Variants in CCM2 observed in about 807,000 individuals in gnomAD.
CCM2 encodes the protein CCM2 scaffold protein, also known as cerebral cavernous malformations 2 protein.
A neutral mutation model predicts 44.9 loss-of-function variants in CCM2; 25 were observed. The observed-to-expected ratio is 0.56, with a 90% CI of 0.41 to 0.78. The LOEUF (loss-of-function observed/expected upper bound fraction) is 0.78. Among genes scored for constraint, CCM2 ranks in the 30% least tolerant of loss-of-function variants. The pLI, the probability that CCM2 is intolerant of heterozygous loss-of-function variation, is 0.00. For missense variants in CCM2, 481 were observed against 580.6 expected (o/e 0.83, Z 1.76); for synonymous variants, 219 against 241.1 (o/e 0.91, Z 0.85).
intron 1 of CCM2, among the ~76,000 whole-genome samples, chr7:45,002,358 C>T (rs923554268): frequency 1.3e-5 from 2 of 152,164 alleles, no homozygotes; most frequent in African/African-American, 4.8e-5. Flanking sequence ...CACTTTAGCT[C>T]AGGAGTTCGA....
intron 2 of CCM2, among the ~76,000 whole-genome samples, chr7:45,038,824 T>C (rs76408295): frequency 1.4e-3 from 218 of 152,338 alleles, no homozygotes; most frequent in African/African-American, 4.9e-3. Flanking sequence ...ATTCAGACCA[T>C]GTGTTTGAGG....
In CCM2 at chr7:45,023,955, C is replaced by T. The variant is rs528869524; in HGVS notation, c.31-14298C>T. ...TCTCCGTAGTAGCTGGGGTTACAGA[C>T]ATGTGCCACCACGCCCTGCTAATTT... On this transcript the variant is annotated intron_variant, in intron 1 of 9. Coordinates refer to ENST00000258781, the MANE Select transcript of CCM2 (RefSeq NM_031443.4). 3.5e-3 allele frequency among the ~76,000 whole-genome samples: 537 copies of T among 152,032 alleles called. 4 individuals carry two copies. Among genetic ancestry groups the T allele is most frequent in the African/African-American group, 0.012 (508 of 41,460 alleles).
At chr7:45,013,773 ATGAT>A (rs1440112577) in intron 1 of CCM2, among the ~76,000 whole-genome samples, 1 of 152,112 alleles carries the variant, frequency 6.6e-6, no homozygotes, top group Non-Finnish European at 1.5e-5. Flanking sequence ...CTTGTCTCTG[ATGAT>A]TGATATTTTT....
chr7:45,033,044 C>CAA (rs60956411), intron 1 of CCM2, among the ~76,000 whole-genome samples: 6,660 of 57,996 alleles, frequency 0.11, 1,793 homozygotes, highest in African/African-American at 0.3. Flanking sequence ...AACTCCGTCT[C>CAA]AAAAAAAAAA....
rs34116061 is a variant in CCM2, at chr7:45,014,622, C to CTT, written c.30+14275_30+14276dup. Among the ~76,000 whole-genome samples the CTT allele has an allele frequency of 4.3e-3, 534 of 123,968 alleles. 3 individuals carry two copies. The highest frequency in any genetic ancestry group is 7.4e-3 in the African/African-American group (248 of 33,572). 81.3% of individuals were successfully genotyped at this position (123,968 alleles called of 152,430 possible). A position where few individuals can be genotyped will look rare whatever the true frequency, so the allele number is the denominator to read the frequency against. On this transcript the variant is annotated intron_variant, in intron 1 of 9. Coordinates refer to ENST00000258781, the MANE Select transcript of CCM2 (RefSeq NM_031443.4). ...GCTACAACTCCTGGCCAGTCTTAAC[C>CTT]TTTTTTTTTTTTTTTTTGAGATGGA... is the stretch of plus-strand genomic sequence containing the variant.
At chr7:45,049,497 A>G (rs1465478097) in intron 2 of CCM2, among the ~76,000 whole-genome samples, 2 of 152,150 alleles carry the variant, frequency 1.3e-5, no homozygotes, top group Non-Finnish European at 2.9e-5. Context: ...GTGTATCTTG[A>G]TTTATCGCCG....
At chr7:45,039,151 C>G (rs1453102053) in intron 2 of CCM2, among the ~76,000 whole-genome samples, 1 of 152,198 alleles carries the variant, frequency 6.6e-6, no homozygotes, top group Non-Finnish European at 1.5e-5. Context: ...TTTCCACTCT[C>G]ACCTGGCTCA....
At chr7:45,043,871 A>G (rs1797630100) in intron 2 of CCM2, among the ~76,000 whole-genome samples, 1 of 152,100 alleles carries the variant, frequency 6.6e-6, no homozygotes, top group Non-Finnish European at 1.5e-5. Context: ...ACCCTGAATT[A>G]AATTGTTTGT....
intron 2 of CCM2, among the ~76,000 whole-genome samples, chr7:45,051,754 G>A (rs1037507908): frequency 2.6e-5 from 4 of 152,138 alleles, no homozygotes; most frequent in African/African-American, 9.7e-5. Context: ...GTAGAGACGG[G>A]GTTTCACTGT....
intron 1 of CCM2, among the ~76,000 whole-genome samples, chr7:45,011,291 A>T (rs6463260): frequency 3.3e-5 from 5 of 151,738 alleles, no homozygotes; most frequent in Admixed American, 2.0e-4. Context: ...CTGCCTCCCA[A>T]GTTCTAGTTA....
chr7:45,031,532 C>T (rs1796970368), intron 1 of CCM2, among the ~76,000 whole-genome samples: 1 of 151,968 alleles, frequency 6.6e-6, no homozygotes, highest in South Asian at 2.1e-4. Flanking sequence ...ACGTATGCCA[C>T]CACGCTCAGC....
chr7:45,064,047 C>T (rs1798649439), intron 3 of CCM2, 46 bp downstream of exon 3: 1 of 1,356,876 alleles, frequency 7.4e-7, no homozygotes, highest in African/African-American at 1.4e-5. Flanking sequence ...CAGCCCCCAC[C>T]AGCCCTTGGT....
Position 45,076,241 on chromosome 7 carries a change from C to T in CCM2, c.*184C>T, listed in dbSNP as rs1303416654. On this transcript the variant is annotated 3_prime_UTR_variant, in exon 10 of 10. Transcript: ENST00000258781. Reference sequence around the variant, plus strand: ...GCAGGGAGCTGCCGAGGGACACGAGCCTCAGTGCGGGGTGGAAGGCTCTTT... The same window carrying T: ...GCAGGGAGCTGCCGAGGGACACGAGTCTCAGTGCGGGGTGGAAGGCTCTTT... 1.2e-6 allele frequency: 1 copy of T among 829,154 alleles called. No individual in the cohort carries two copies. The highest frequency in any genetic ancestry group is 1.4e-5 in the South Asian group (1 of 69,186). 51.4% of individuals were successfully genotyped at this position (829,154 alleles called of 1,614,324 possible). A position where few individuals can be genotyped will look rare whatever the true frequency, so the allele number is the denominator to read the frequency against.
chr7:45,023,800 T>G (rs866373572), intron 1 of CCM2, among the ~76,000 whole-genome samples: 4,078 of 127,404 alleles, frequency 0.032, 321 homozygotes, highest in Non-Finnish European at 0.043. Context: ...TTTTTTTTTT[T>G]TTTTTTTTTT....
At chr7:45,064,777 C>G in intron 4 of CCM2, 131 bp downstream of exon 4, 1 of 945,162 alleles carries the variant, frequency 1.1e-6, no homozygotes, top group Admixed American at 2.0e-5. Flanking sequence ...AATTGTCTTT[C>G]CTGTCTCTGA....
chr7:45,014,544 C>T (rs2057843), intron 1 of CCM2, among the ~76,000 whole-genome samples: 131,199 of 151,526 alleles, frequency 0.87, 57,098 homozygotes, highest in African/African-American at 0.96. Flanking sequence ...AACTCCTGGG[C>T]TCAAGCTGTC....
In CCM2 at chr7:45,047,043, A is replaced by G. The variant is rs1239170629; in HGVS notation, c.204+8617A>G. ...TGAGCTGCCAATACACACCTAACAG[A>G]ATGTTTAAAAAAAGTAGAACACAAG... On this transcript the variant is annotated intron_variant, in intron 2 of 9. Transcript: ENST00000258781. Among the ~76,000 whole-genome samples, 9 of 152,320 alleles carry G rather than the reference A, an allele frequency of 5.9e-5. No individual in the cohort carries two copies. In the East Asian group the frequency reaches 1.7e-3, roughly 29 times the overall value.
intron 1 of CCM2, among the ~76,000 whole-genome samples, chr7:45,032,004 C>G (rs1267110588): frequency 2.0e-5 from 3 of 152,198 alleles, no homozygotes; most frequent in Admixed American, 6.5e-5. Flanking sequence ...CCCCCTGCAG[C>G]TGAGAGCTGA....
intron 1 of CCM2, among the ~76,000 whole-genome samples, chr7:45,037,764 T>C (rs1294705391): frequency 6.6e-6 from 1 of 152,062 alleles, no homozygotes; most frequent in Non-Finnish European, 1.5e-5. Flanking sequence ...ACACTCAGTG[T>C]CCCCACTTGG....
Sources: gnomAD v4.1 joint callset for allele counts (sites outside exome capture counted in the v4.1 genomes callset) on GRCh38, gnomAD v4.1.1 for gene constraint, MANE v1.5 for transcripts, NCBI Gene and HGNC (gene_info 2026-07-23, HGNC 2026-07-21) for gene names.